DCC: variants seen among roughly 807,000 people sequenced by gnomAD.
The protein encoded by DCC is netrin receptor DCC.
In DCC, 58 loss-of-function variants were observed where a neutral mutation model predicts 172.5. That is an observed-to-expected ratio of 0.34 (90% confidence interval 0.27 to 0.42). The LOEUF is 0.42. DCC is among the 10% of genes least tolerant of loss of function. DCC has a pLI of 1.00. For synonymous variants in DCC, 709 were observed against 644.5 expected (o/e 1.10, Z -1.52); for missense variants, 1,740 against 1,791.0 (o/e 0.97, Z 0.51).
chr18:52,555,162 T>G (rs1450115434), intron 1 of DCC, among the ~76,000 whole-genome samples: 7 of 152,074 alleles, frequency 4.6e-5, no homozygotes, highest in Non-Finnish European at 8.8e-5. Flanking sequence ...TTTCTGAGTC[T>G]GTCATAATAG....
chr18:53,080,856 G>A lies in DCC; in HGVS notation c.1261+14690G>A, dbSNP rs549734137. Reference sequence around the variant, plus strand: ...TAATGAAAAGCTTAAGGGAGAGTGTGACAGGGCCTTATCATGCATCTTTAG... The same window carrying A: ...TAATGAAAAGCTTAAGGGAGAGTGTAACAGGGCCTTATCATGCATCTTTAG... On this transcript the variant is annotated intron_variant, in intron 7 of 28. Coordinates refer to ENST00000442544, the MANE Select transcript of DCC (RefSeq NM_005215.4). 1.8e-4 allele frequency among the ~76,000 whole-genome samples: 28 copies of A among 152,170 alleles called. No homozygotes were observed. In the South Asian group the frequency reaches 5.8e-3, roughly 32 times the overall value.
intron 7 of DCC, among the ~76,000 whole-genome samples, chr18:53,137,398 A>C (rs989529130): frequency 1.3e-5 from 2 of 152,192 alleles, no homozygotes; most frequent in Non-Finnish European, 2.9e-5. Context: ...CTTTGAGGCC[A>C]CTCAGCGTTC....
intron 3 of DCC, among the ~76,000 whole-genome samples, chr18:52,909,738 A>G (rs141301205): frequency 3.9e-5 from 6 of 152,250 alleles, no homozygotes; most frequent in African/African-American, 9.6e-5. Flanking sequence ...TTTTGAATGA[A>G]TCTTACATAC....
At chr18:53,202,654 G>A (rs2055558066) in intron 9 of DCC, among the ~76,000 whole-genome samples, 1 of 152,098 alleles carries the variant, frequency 6.6e-6, no homozygotes, top group Non-Finnish European at 1.5e-5. Context: ...GTTGTAAGTG[G>A]TAGAGTAGAG....
At chr18:52,596,794 T>G (rs1598942752) in intron 1 of DCC, among the ~76,000 whole-genome samples, 1 of 152,220 alleles carries the variant, frequency 6.6e-6, no homozygotes, top group East Asian at 1.9e-4. Context: ...TTTCAACAGC[T>G]AGAGCCAAAT....
intron 1 of DCC, among the ~76,000 whole-genome samples, chr18:52,672,184 G>A (rs944078347): frequency 5.9e-5 from 9 of 152,190 alleles, no homozygotes; most frequent in African/African-American, 1.9e-4. Context: ...TACAACGTGG[G>A]TATTAAAAGG....
chr18:53,026,397 T>C (rs959288252), intron 5 of DCC, among the ~76,000 whole-genome samples: 1 of 152,144 alleles, frequency 6.6e-6, no homozygotes, highest in African/African-American at 2.4e-5. Flanking sequence ...TTGTCAACTT[T>C]TCAACTTTTT....
intron 7 of DCC, among the ~76,000 whole-genome samples, chr18:53,071,163 C>T (rs915056157): frequency 3.3e-5 from 5 of 152,070 alleles, no homozygotes; most frequent in Admixed American, 1.3e-4. Flanking sequence ...CTGTAGTTGT[C>T]GGATATTTAC....
At chr18:52,925,789 GA>G (rs2040192613) in intron 5 of DCC, among the ~76,000 whole-genome samples, 1 of 151,848 alleles carries the variant, frequency 6.6e-6, no homozygotes, top group African/African-American at 2.4e-5. Context: ...ATGTTGGTAA[GA>G]TTTTTTTATT....
intron 5 of DCC, among the ~76,000 whole-genome samples, chr18:53,047,428 C>CGTAT (rs2042265031): frequency 2.0e-5 from 1 of 50,038 alleles, no homozygotes; most frequent in Non-Finnish European, 4.0e-5. Context: ...ATATATTTTA[C>CGTAT]ATATATATAT....
At chr18:52,738,900 TAAAAA>T (rs59182653) in intron 1 of DCC, among the ~76,000 whole-genome samples, 6 of 141,414 alleles carry the variant, frequency 4.2e-5, no homozygotes, top group Admixed American at 7.1e-5. Flanking sequence ...TCTGGCTATT[TAAAAA>T]AAAAAAAAAA....
At chr18:53,481,086 A>G (rs1253383958) in intron 25 of DCC, 1 of 152,210 alleles carries the variant, frequency 6.6e-6, no homozygotes, top group East Asian at 1.9e-4. Flanking sequence ...AAAATAGAGA[A>G]GAGAGGAGAG....
At chr18:52,914,041 CAAG>C (rs1475810052) in intron 3 of DCC, among the ~76,000 whole-genome samples, 2 of 151,942 alleles carry the variant, frequency 1.3e-5, no homozygotes, top group Non-Finnish European at 2.9e-5. Context: ...TATCAAACAA[CAAG>C]AGCCAAAATC....
At chr18:52,714,080 T>C (rs528048856) in intron 1 of DCC, among the ~76,000 whole-genome samples, 17 of 152,322 alleles carry the variant, frequency 1.1e-4, no homozygotes, top group Middle Eastern at 3.4e-3. Flanking sequence ...TCTTATTTAA[T>C]CCTTGCAACA....
intron 17 of DCC, among the ~76,000 whole-genome samples, chr18:53,396,983 G>A (rs767060147): frequency 6.6e-6 from 1 of 151,614 alleles, no homozygotes; most frequent in Non-Finnish European, 1.5e-5. Flanking sequence ...TTTATAAGAG[G>A]CATAGTCTCA....
intron 1 of DCC, among the ~76,000 whole-genome samples, chr18:52,552,323 C>T (rs993938515): frequency 6.6e-6 from 1 of 151,964 alleles, no homozygotes; most frequent in African/African-American, 2.4e-5. Flanking sequence ...CACAGGAAAC[C>T]TCTTATGTGA....
intron 14 of DCC, among the ~76,000 whole-genome samples, chr18:53,328,217 C>T (rs1383222737): frequency 2.0e-5 from 3 of 152,110 alleles, no homozygotes; most frequent in African/African-American, 4.8e-5. Flanking sequence ...TTTAATGTGC[C>T]CATGGAATGT....
Position 53,242,491 on chromosome 18 carries a change from C to T in DCC, c.1911+26894C>T, listed in dbSNP as rs1028724820. ...GGGGGTAAATATACAAAATGACCTA[C>T]TCAGTGACTATATATTAGATACCTA... On this transcript the variant is annotated intron_variant, in intron 12 of 28. Coordinates refer to ENST00000442544, the MANE Select transcript of DCC (RefSeq NM_005215.4). Among the ~76,000 whole-genome samples the T allele has an allele frequency of 2.6e-5, 4 of 152,150 alleles. No individual in the cohort carries two copies. The South Asian group carries it at 8.3e-4, about 32-fold the overall frequency.
Position 52,424,433 on chromosome 18 carries a change from A to G in DCC, c.91+83555A>G, listed in dbSNP as rs935349106. Among the ~76,000 whole-genome samples, 4 of 152,094 alleles carry G rather than the reference A, an allele frequency of 2.6e-5. No individual in the cohort carries two copies. The East Asian group carries it at 5.8e-4, about 22-fold the overall frequency. On this transcript the variant is annotated intron_variant, in intron 1 of 28. Coordinates refer to ENST00000442544, the MANE Select transcript of DCC (RefSeq NM_005215.4). ...AACCATATCCCTTCTTCCCTAAGGG[A>G]CAAAGTTCGTAGGGGAAGCACAAGT...
Sources: allele counts gnomAD v4.1 joint callset (sites outside exome capture counted in the v4.1 genomes callset), GRCh38; gene constraint gnomAD v4.1.1; transcripts MANE v1.5; gene names NCBI Gene and HGNC (gene_info 2026-07-23, HGNC 2026-07-21).